Variants in RBKS observed in about 807,000 individuals in gnomAD.
The protein encoded by RBKS is ribokinase.
In RBKS, 33 loss-of-function variants were observed where a neutral mutation model predicts 33.9. The ratio of observed to expected loss-of-function variants is 0.97; its 90% CI spans 0.74 to 1.30. The LOEUF (loss-of-function observed/expected upper bound fraction) is 1.30. Ranked by LOEUF, RBKS falls within the 50% of genes most tolerant of loss-of-function variation. The pLI is 0.00. For missense variants in RBKS, 361 were observed against 392.6 expected (o/e 0.92, Z 0.68); for synonymous variants, 125 against 143.0 (o/e 0.87, Z 0.90).
intron 1 of RBKS, among the ~76,000 whole-genome samples, chr2:27,877,494 A>AT (rs944426890): frequency 7.2e-5 from 11 of 152,054 alleles, no homozygotes; most frequent in Non-Finnish European, 1.5e-4. Context: ...CAAAATTAGG[A>AT]TTTTTTCCCT....
At chr2:27,801,877 AC>A (rs1418691429) in intron 7 of RBKS, among the ~76,000 whole-genome samples, 2 of 134,090 alleles carry the variant, frequency 1.5e-5, no homozygotes, top group Non-Finnish European at 3.1e-5. Context: ...TCACTCTGTC[AC>A]CCATGGCTTA....
At chr2:27,792,601 C>T (rs1044053099) in intron 7 of RBKS, among the ~76,000 whole-genome samples, 4 of 152,116 alleles carry the variant, frequency 2.6e-5, no homozygotes, top group Non-Finnish European at 4.4e-5. Flanking sequence ...TAACACATGT[C>T]GTTTCTTCAT....
intron 7 of RBKS, among the ~76,000 whole-genome samples, chr2:27,800,229 C>A (rs1364403749): frequency 6.6e-6 from 1 of 151,958 alleles, no homozygotes; most frequent in Non-Finnish European, 1.5e-5. Context: ...GCTCTGTCAT[C>A]TTTTAAGAAT....
intron 7 of RBKS, among the ~76,000 whole-genome samples, chr2:27,811,824 GT>G (rs1464874200): frequency 6.6e-6 from 1 of 152,100 alleles, no homozygotes; most frequent in Non-Finnish European, 1.5e-5. Flanking sequence ...TGGGGCTTGG[GT>G]TTTAATGGCC....
At chr2:27,860,476 A>G (rs1663951576) in intron 1 of RBKS, among the ~76,000 whole-genome samples, 1 of 152,244 alleles carries the variant, frequency 6.6e-6, no homozygotes. Flanking sequence ...AAAGAAACTT[A>G]TGATTTCCAC....
intron 7 of RBKS, among the ~76,000 whole-genome samples, chr2:27,820,549 T>TTCTC (rs10534268): frequency 0.048 from 7,046 of 147,876 alleles, 169 homozygotes; most frequent in Non-Finnish European, 0.055. Flanking sequence ...AGATTTACTA[T>TTCTC]TCTCTCTCTC....
intron 7 of RBKS, 45 bp from the exon 8 acceptor site, chr2:27,781,833 T>G (rs760297708): frequency 4.0e-6 from 6 of 1,514,738 alleles, no homozygotes; most frequent in South Asian, 3.7e-5. Context: ...GTAGTCAATC[T>G]GTTGCCCAAA....
intron 4 of RBKS, among the ~76,000 whole-genome samples, chr2:27,845,033 G>T (rs1663596811): frequency 6.6e-6 from 1 of 152,192 alleles, no homozygotes; most frequent in Non-Finnish European, 1.5e-5. Flanking sequence ...AGTGGGGATG[G>T]TTCAGCATAA....
chr2:27,782,550 G>T (rs1677308486), intron 7 of RBKS: 1 of 452,290 alleles, frequency 2.2e-6, no homozygotes, highest in Non-Finnish European at 4.6e-6. Context: ...CCTTAATTGG[G>T]ATATGTCCGT....
chr2:27,833,918 G>A (rs1678470112), intron 5 of RBKS, among the ~76,000 whole-genome samples: 1 of 152,158 alleles, frequency 6.6e-6, no homozygotes, highest in South Asian at 2.1e-4. Context: ...GACCCATAGT[G>A]TAAAAATCTC....
chr2:27,822,946 T>C (rs1014252021), intron 7 of RBKS, among the ~76,000 whole-genome samples: 20 of 152,218 alleles, frequency 1.3e-4, no homozygotes, highest in Non-Finnish European at 2.9e-4. Context: ...AAAAGCAATT[T>C]ATATGTCAAG....
intron 6 of RBKS, 117 bp from the exon 7 acceptor site, chr2:27,827,872 G>A: frequency 1.3e-6 from 1 of 796,580 alleles, no homozygotes; most frequent in Non-Finnish European, 1.9e-6. Flanking sequence ...AATGCAATGG[G>A]AACCTTGATA....
At chr2:27,801,974 A>G (rs1677800408) in intron 7 of RBKS, among the ~76,000 whole-genome samples, 1 of 84,412 alleles carries the variant, frequency 1.2e-5, no homozygotes. Flanking sequence ...ATATATATAT[A>G]TATATATATA....
At chr2:27,785,576 A>G (rs950636117) in intron 7 of RBKS, among the ~76,000 whole-genome samples, 2 of 152,072 alleles carry the variant, frequency 1.3e-5, no homozygotes, top group Non-Finnish European at 2.9e-5. Context: ...CAGCCTGGCC[A>G]AGATGGTGAA....
At chr2:27,874,100 CCTT>C (rs1664267533) in intron 1 of RBKS, among the ~76,000 whole-genome samples, 1 of 152,156 alleles carries the variant, frequency 6.6e-6, no homozygotes, top group African/African-American at 2.4e-5. Context: ...ATAAGAGGAA[CCTT>C]CTACAATTCA....
chr2:27,882,357 C>G (rs1017922523), intron 1 of RBKS, among the ~76,000 whole-genome samples: 10 of 152,126 alleles, frequency 6.6e-5, no homozygotes, highest in African/African-American at 2.4e-4. Flanking sequence ...TAGCGAAATA[C>G]AAATCAAAAC....
At position 27,890,040 on chromosome 2, in the gene RBKS, T is replaced by A; in HGVS notation, c.89+217A>T. The A allele has an allele frequency of 1.9e-6, 1 of 518,638 alleles. No individual in the cohort carries two copies. The highest frequency in any genetic ancestry group is 3.5e-6 in the Non-Finnish European group (1 of 289,342). 32.1% of individuals were successfully genotyped at this position (518,638 alleles called of 1,614,324 possible). A position where few individuals can be genotyped will look rare whatever the true frequency, so the allele number is the denominator to read the frequency against. On this transcript the variant is annotated intron_variant, in intron 1 of 7. Coordinates refer to ENST00000302188, the MANE Select transcript of RBKS (RefSeq NM_022128.3). This position sits in a 1 kb window ranked among gnomAD's most constrained non-coding sequence, Gnocchi z 4.8. ...TAATATTAGAGCTTTCACTAAACCC[T>A]GGCCTATTACGTCCCCTCCCCTGAG...
Position 27,791,198 on chromosome 2 carries a change from G to C in RBKS, c.796-9410C>G, listed in dbSNP as rs1343992925. ...CTACATATCATATTGTATGAGTTTTGTGATGGTGAATTTTACGTGTTAACT... is the reference window on the plus strand; with the variant it reads ...CTACATATCATATTGTATGAGTTTTCTGATGGTGAATTTTACGTGTTAACT... On this transcript the variant is annotated intron_variant, in intron 7 of 7. Coordinates refer to ENST00000302188, the MANE Select transcript of RBKS (RefSeq NM_022128.3). Among the ~76,000 whole-genome samples the C allele has an allele frequency of 2.6e-5, 4 of 152,204 alleles. No homozygotes were observed. In the East Asian group the frequency reaches 7.7e-4, roughly 29 times the overall value.
chr2:27,816,876 C>A (rs1345215147), intron 7 of RBKS, among the ~76,000 whole-genome samples: 1 of 152,188 alleles, frequency 6.6e-6, no homozygotes, highest in East Asian at 1.9e-4. Context: ...GGATAACAGG[C>A]GTGAGCCACC....
Sources: allele counts gnomAD v4.1 joint callset (sites outside exome capture counted in the v4.1 genomes callset), GRCh38; gene constraint gnomAD v4.1.1; non-coding constraint Gnocchi (gnomAD v3.1); transcripts MANE v1.5; gene names NCBI Gene and HGNC (gene_info 2026-07-23, HGNC 2026-07-21).